Variants in TRPT1 observed in about 807,000 individuals in gnomAD.
The protein encoded by TRPT1 is tRNA 2'-phosphotransferase 1.
In TRPT1, 22 loss-of-function variants were observed where a neutral mutation model predicts 28.4. The observed-to-expected ratio is 0.78, with a 90% CI of 0.55 to 1.11. TRPT1 has a LOEUF of 1.11. TRPT1 is among the 50% of genes least tolerant of loss of function. The pLI is 0.00. For synonymous variants in TRPT1, 137 were observed against 132.4 expected, an observed-to-expected ratio of 1.03 and a Z score of -0.24; for missense variants, 308 against 317.7, an observed-to-expected ratio of 0.97 and a Z score of 0.23.
chr11:64,225,570 A>G lies in TRPT1; in HGVS notation c.86T>C (p.Val29Ala). 1 of 1,611,180 alleles carries G rather than the reference A, an allele frequency of 6.2e-7. No homozygotes were observed. The highest frequency in any genetic ancestry group is 8.5e-7 in the Non-Finnish European group (1 of 1,178,942). The change falls in exon 3 of 8, where the codon GTG becomes GCG. Residue 29 changes from valine (V) to alanine (A), a missense_variant. Val to Ala is a moderately conservative substitution (Grantham distance 64). Coordinates refer to ENST00000317459, the MANE Select transcript of TRPT1 (RefSeq NM_001033678.4). The stretch of plus-strand genomic sequence containing the variant: ...ATAGGACAGAGCCTTGGACAGCTGC[A>G]CGTCTCGGTCCTGAAAGAACCCAGC... ...APRPREQDRD[V>A]QLSKALSYAL... is the part of the protein sequence containing the mutation.
At position 64,225,795 on chromosome 11, in the gene TRPT1, G is replaced by A. The variant is rs1378777104; in HGVS notation, c.66C>T (p.Pro22=). 1 of 1,552,312 alleles carries A rather than the reference G, an allele frequency of 6.4e-7. No individual in the cohort carries two copies. Among genetic ancestry groups the A allele is most frequent in the South Asian group, 1.2e-5 (1 of 84,276 alleles). ...GGGAGGAGGCGCGCACCTGTTCTCG[G>A]GGTCTGGGAGCCCTTCTACCCCTGG... ...AGSRGRRAPR[P]REQDRDVQLS... is the part of the protein sequence containing the mutation. The change falls in exon 2 of 8, where the codon CCC becomes CCT. Residue 22 remains proline (P), a synonymous_variant. Transcript: ENST00000317459.
chr11:64,226,230 G>T, upstream of TRPT1: 1 of 358,294 alleles, frequency 2.8e-6, no homozygotes. Flanking sequence ...CCAATGAAAA[G>T]CCGCGTGGAA....
At chr11:64,225,347 G>C (rs1306582728) in intron 3 of TRPT1, 152 bp downstream of exon 3, 2 of 661,118 alleles carry the variant, frequency 3.0e-6, no homozygotes, top group Non-Finnish European at 5.2e-6. Flanking sequence ...GACATGACAG[G>C]GGCTCTAGGC....
At chr11:64,225,473 C>A (rs1328038796) in intron 3 of TRPT1, 26 bp downstream of exon 3, 5 of 1,595,878 alleles carry the variant, frequency 3.1e-6, no homozygotes, top group Non-Finnish European at 4.3e-6. Context: ...TGGGCTCAAG[C>A]CCCAGCCTCC....
chr11:64,225,103 G>A, intron 3 of TRPT1, 133 bp from the exon 4 acceptor site: 1 of 1,032,876 alleles, frequency 9.7e-7, no homozygotes, highest in Non-Finnish European at 1.4e-6. Context: ...CCTTTAGAAA[G>A]TCTCCCCTTT....
chr11:64,226,051 C>G lies in TRPT1; in HGVS notation c.-11G>C. On this transcript the variant is annotated splice_region_variant and 5_prime_UTR_variant, in exon 1 of 8. Coordinates refer to ENST00000317459, the MANE Select transcript of TRPT1 (RefSeq NM_001033678.4). ...TAAGGCCCAGCAGGCCAGACTTGCC[C>G]AAGGTCACACGGTCAGCCAGGAGCG... 1.7e-6 allele frequency: 1 copy of G among 579,620 alleles called. No homozygotes were observed. The highest frequency in any genetic ancestry group is 2.1e-5 in the South Asian group (1 of 47,762). 35.9% of individuals were successfully genotyped at this position (579,620 alleles called of 1,614,324 possible).
chr11:64,224,035 G>A (rs1348984054), intron 7 of TRPT1, 65 bp downstream of exon 7: 49 of 1,588,294 alleles, frequency 3.1e-5, no homozygotes, highest in Non-Finnish European at 3.8e-5. Flanking sequence ...AGCTAGGAGA[G>A]AGGTGAGGGC....
chr11:64,225,189 T>C (rs1204113733), intron 3 of TRPT1: 5 of 627,736 alleles, frequency 8.0e-6, no homozygotes, highest in Non-Finnish European at 1.4e-5. Flanking sequence ...GTGCCCAGCA[T>C]AGCGCTGGCC....
At position 64,224,581 on chromosome 11, in the gene TRPT1, A is replaced by G; in HGVS notation, c.464T>C (p.Leu155Pro). The G allele has an allele frequency of 6.3e-7, 1 of 1,586,462 alleles. No homozygotes were observed. Among genetic ancestry groups the G allele is most frequent in the Non-Finnish European group, 8.6e-7 (1 of 1,165,198 alleles). The change falls in exon 5 of 8, where the codon CTG (leucine) becomes CCG (proline). Residue 155 changes from leucine (L) to proline (P), a missense_variant. By Grantham distance (98) the Leu-to-Pro change is moderately conservative. Transcript: ENST00000317459. ...LSCQGRTHIH[L>P]APGLPGDPGI... ...GGGGTCTCCAGGCAGTCCTGGGGCC[A>G]GGTGAATGTGCGTCCTTCCCTGGCA...
In TRPT1 at chr11:64,224,946, A is replaced by T. The variant is rs1946888298; in HGVS notation, c.182T>A (p.Leu61His). ...GCCGCGGAACTGGGGCAACTGCAGG[A>T]GGGTGCCCAGGGGCACGAAGCCATC... ...GADGFVPLGTLLQLPQFRGFS... is the reference protein window; with the variant it reads ...GADGFVPLGTHLQLPQFRGFS... Residue 61 changes from leucine to histidine, a missense_variant, in exon 4 of 8, where the codon CTC becomes CAC. Physicochemically the swap from Leu to His is moderately conservative, Grantham distance 99. Coordinates refer to ENST00000317459, the MANE Select transcript of TRPT1 (RefSeq NM_001033678.4). 1.3e-6 allele frequency: 2 copies of T among 1,566,538 alleles called. No homozygotes were observed. The highest frequency in any genetic ancestry group is 1.9e-5 in the Admixed American group (1 of 52,820).
At chr11:64,224,741 AC>A in intron 4 of TRPT1, 24 bp from the exon 5 acceptor site, 1 of 1,602,322 alleles carries the variant, frequency 6.2e-7, no homozygotes, top group African/African-American at 1.3e-5. Context: ...TAGCAGTGAG[AC>A]CCCCTTCGCA....
At position 64,225,769 on chromosome 11, in the gene TRPT1, G is replaced by A; in HGVS notation, c.75+17C>T. 6.5e-7 allele frequency: 1 copy of A among 1,538,348 alleles called. No homozygotes were observed. The highest frequency in any genetic ancestry group is 8.8e-7 in the Non-Finnish European group (1 of 1,137,460). On this transcript the variant is annotated intron_variant, in intron 2 of 7. Transcript: ENST00000317459. ...GGAGCCTGGACTGGTGGGAGGGGGTGGGGAGGAGGCGCGCACCTGTTCTCG... is the reference window on the plus strand; with the variant it reads ...GGAGCCTGGACTGGTGGGAGGGGGTAGGGAGGAGGCGCGCACCTGTTCTCG...
rs1471060293 is a variant in TRPT1, at chr11:64,223,872, T to C, written c.*4A>G. The C allele has an allele frequency of 6.4e-7, 1 of 1,569,318 alleles. No individual in the cohort carries two copies. The highest frequency in any genetic ancestry group is 8.7e-7 in the Non-Finnish European group (1 of 1,155,510). ...TTAAAATTTCTTTTTTATAAATTAATATTTTATTGTTGGATCCTCCTCCTT... is the reference window on the plus strand; with the variant it reads ...TTAAAATTTCTTTTTTATAAATTAACATTTTATTGTTGGATCCTCCTCCTT... On this transcript the variant is annotated 3_prime_UTR_variant, in exon 8 of 8. Coordinates refer to ENST00000317459, the MANE Select transcript of TRPT1 (RefSeq NM_001033678.4).
intron 3 of TRPT1, 141 bp downstream of exon 3, chr11:64,225,358 C>A (rs761244531): frequency 1.4e-6 from 1 of 694,300 alleles, no homozygotes; most frequent in Non-Finnish European, 2.4e-6. Context: ...GGCTCTAGGC[C>A]TTGCTCTCCT....
In TRPT1 at chr11:64,224,988, G is replaced by T. The variant is rs1411688298; in HGVS notation, c.158-18C>A. 5 of 1,548,468 alleles carry T rather than the reference G, an allele frequency of 3.2e-6. No individual in the cohort carries two copies. The highest frequency in any genetic ancestry group is 8.7e-7 in the Non-Finnish European group (1 of 1,147,348). On this transcript the variant is annotated intron_variant, in intron 3 of 7. Transcript: ENST00000317459. ...GAAGCCATCTGTGGGCAGGCAGGGTGCTCAGGAGCTAACCTTGCTCTGGAC... is the reference window on the plus strand; with the variant it reads ...GAAGCCATCTGTGGGCAGGCAGGGTTCTCAGGAGCTAACCTTGCTCTGGAC...
chr11:64,224,871 C>T lies in TRPT1; in HGVS notation c.257G>A (p.Arg86Gln), dbSNP rs765065706. The T allele has an allele frequency of 1.7e-5, 27 of 1,612,218 alleles. No homozygotes were observed. The African/African-American group carries it at 2.7e-4, about 16-fold the overall frequency. ...GGGATCCCCCAGCTGCAGGGCGAAC[C>T]GCTGCTTCCTATTGGTGTCCACCAC... The part of the protein sequence containing the change: ...QRVVDTNRKQ[R>Q]FALQLGDPST... The change falls in exon 4 of 8, where the codon CGG (arginine) becomes CAG (glutamine). Residue 86 changes from arginine (R) to glutamine (Q), a missense_variant. By Grantham distance (43) the Arg-to-Gln change is conservative. Coordinates refer to ENST00000317459, the MANE Select transcript of TRPT1 (RefSeq NM_001033678.4).
chr11:64,224,100 G>C lies in TRPT1; in HGVS notation c.670C>G (p.Arg224Gly). 1 of 1,606,858 alleles carries C rather than the reference G, an allele frequency of 6.2e-7. No homozygotes were observed. Among genetic ancestry groups the C allele is most frequent in the Non-Finnish European group, 8.5e-7 (1 of 1,175,300 alleles). ...TAGGGGCTGGGGTGGTGGTTCTCAC[G>C]GGTAGGGCGTAGCTGCAGGGCCTCC... The part of the protein sequence containing the change: ...FKEALQLRPT[R>G]KPLSLAGDEE... Residue 224 changes from arginine to glycine, a missense_variant and splice_region_variant, in exon 7 of 8, where the codon CGA becomes GGA. Physicochemically the swap from Arg to Gly is moderately radical, Grantham distance 125. Transcript: ENST00000317459.
chr11:64,224,872 G>C lies in TRPT1; in HGVS notation c.256C>G (p.Arg86Gly). The change falls in exon 4 of 8, where the codon CGG becomes GGG. Residue 86 changes from arginine to glycine, a missense_variant. Physicochemically the swap from Arg to Gly is moderately radical, Grantham distance 125 (BLOSUM62 -2). Coordinates refer to ENST00000317459, the MANE Select transcript of TRPT1 (RefSeq NM_001033678.4). ...QRVVDTNRKQ[R>G]FALQLGDPST... ...GGATCCCCCAGCTGCAGGGCGAACC[G>C]CTGCTTCCTATTGGTGTCCACCACG... is the stretch of plus-strand genomic sequence containing the variant. 1.2e-6 allele frequency: 2 copies of C among 1,612,108 alleles called. No homozygotes were observed. The highest frequency in any genetic ancestry group is 2.2e-5 in the South Asian group (2 of 90,796).
rs1306047963 is a variant in TRPT1, at chr11:64,224,297, G to A, written c.547C>T (p.Leu183=). The A allele has an allele frequency of 1.4e-5, 22 of 1,613,870 alleles. No individual in the cohort carries two copies. The East Asian group carries it at 2.7e-4, about 20-fold the overall frequency. Residue 183 remains leucine (L), a synonymous_variant, in exon 6 of 8, where the codon CTG becomes TTG. Coordinates refer to ENST00000317459, the MANE Select transcript of TRPT1 (RefSeq NM_001033678.4). ...TGTCCAGACTCACCTGCCAGAGCCA[G>A]GGGTCCATCGATGAACACAGCTATT... The part of the protein sequence containing the change: ...CEIAVFIDGP[L]ALADGIPFFR...
Sources: allele counts gnomAD v4.1 joint callset, GRCh38; gene constraint gnomAD v4.1.1; transcripts MANE v1.5; gene names NCBI Gene and HGNC (gene_info 2026-07-23, HGNC 2026-07-21).